Variants in THSD4 observed in about 807,000 individuals in gnomAD.
THSD4 encodes thrombospondin type-1 domain-containing protein 4.
THSD4 carries 69 observed loss-of-function variants against 119.0 expected under a neutral mutation model. The ratio of observed to expected loss-of-function variants is 0.58; its 90% CI spans 0.48 to 0.71. THSD4 has a LOEUF of 0.71. THSD4 is among the 30% of genes least tolerant of loss of function. The pLI, the probability that THSD4 is intolerant of heterozygous loss-of-function variation, is 0.00. For synonymous variants in THSD4, 524 were observed against 540.4 expected (o/e 0.97, Z 0.42); for missense variants, 1,393 against 1,391.1 (o/e 1.00, Z -0.02).
chr15:71,527,055 A>G (rs7163533), intron 7 of THSD4, among the ~76,000 whole-genome samples: 96,495 of 151,828 alleles, frequency 0.64, 31,552 homozygotes, highest in African/African-American at 0.79. Flanking sequence ...GGTCATGAAG[A>G]CTCCTCCCTC....
intron 5 of THSD4, among the ~76,000 whole-genome samples, chr15:71,246,174 G>A (rs192328120): frequency 2.7e-4 from 41 of 152,292 alleles, no homozygotes; most frequent in Admixed American, 1.0e-3. Context: ...GATCCCTACC[G>A]TGTAGGGTTG....
intron 7 of THSD4, among the ~76,000 whole-genome samples, chr15:71,496,512 G>A (rs2048020059): frequency 6.6e-6 from 1 of 152,136 alleles, no homozygotes; most frequent in Non-Finnish European, 1.5e-5. Context: ...GGCCCAAGGT[G>A]GCTGCTGGAG....
At chr15:71,419,632 G>A (rs2046789480) in intron 7 of THSD4, among the ~76,000 whole-genome samples, 2 of 107,902 alleles carry the variant, frequency 1.9e-5, no homozygotes, top group Admixed American at 2.4e-4. Flanking sequence ...ATCCCTCTTA[G>A]TACTGCTTTC....
At chr15:71,663,054 G>A (rs1278324032) in intron 8 of THSD4, among the ~76,000 whole-genome samples, 2 of 152,012 alleles carry the variant, frequency 1.3e-5, no homozygotes, top group Non-Finnish European at 2.9e-5. Flanking sequence ...TTCACGACCA[G>A]CCTGCGCAAC....
intron 3 of THSD4, 26 bp from the exon 4 acceptor site, chr15:71,215,009 C>A: frequency 8.0e-7 from 1 of 1,245,934 alleles, no homozygotes; most frequent in South Asian, 3.7e-5. Context: ...GTGTTCTGGT[C>A]CCCTAACCTG....
At chr15:71,619,692 A>G (rs917217189) in intron 7 of THSD4, among the ~76,000 whole-genome samples, 1 of 152,162 alleles carries the variant, frequency 6.6e-6, no homozygotes, top group Non-Finnish European at 1.5e-5. Context: ...ATTATATTCA[A>G]ACATGTAACT....
At chr15:71,400,986 T>C (rs529447725) in intron 6 of THSD4, among the ~76,000 whole-genome samples, 2 of 152,130 alleles carry the variant, frequency 1.3e-5, no homozygotes, top group Non-Finnish European at 2.9e-5. Context: ...AATCTCCTCT[T>C]TTCGTACCTG....
chr15:71,507,974 A>C (rs2048216487), intron 7 of THSD4, among the ~76,000 whole-genome samples: 1 of 152,222 alleles, frequency 6.6e-6, no homozygotes, highest in South Asian at 2.1e-4. Flanking sequence ...TCACTACCAA[A>C]AAATAAAATA....
At chr15:71,220,680 T>C (rs1008223914) in intron 4 of THSD4, among the ~76,000 whole-genome samples, 9 of 152,130 alleles carry the variant, frequency 5.9e-5, no homozygotes, top group African/African-American at 2.2e-4. Flanking sequence ...GATAGTGTGT[T>C]AGAGAGAGTA....
At chr15:71,274,558 A>G (rs2044569066) in intron 6 of THSD4, among the ~76,000 whole-genome samples, 1 of 152,148 alleles carries the variant, frequency 6.6e-6, no homozygotes. Flanking sequence ...TTGCTGGTCT[A>G]GTTCTTCTCC....
intron 7 of THSD4, among the ~76,000 whole-genome samples, chr15:71,565,765 C>G (rs926818369): frequency 6.6e-6 from 1 of 152,084 alleles, no homozygotes; most frequent in Non-Finnish European, 1.5e-5. Flanking sequence ...ACCTCTGAAA[C>G]CACAGGACAT....
At chr15:71,112,047 G>A (rs2040308975), upstream of THSD4, 2 of 1,555,418 alleles carry the variant, frequency 1.3e-6, no homozygotes, top group African/African-American at 1.4e-5. Flanking sequence ...CCTGTAATCT[G>A]TTCACACGTT....
intron 3 of THSD4, among the ~76,000 whole-genome samples, chr15:71,199,687 T>TG (rs1567154772): frequency 6.3e-5 from 9 of 142,828 alleles, no homozygotes; most frequent in East Asian, 2.1e-4. Context: ...TGTGTGTGTG[T>TG]GTGGTGTGTG....
chr15:71,460,204 A>G (rs745349600), intron 7 of THSD4, among the ~76,000 whole-genome samples: 11 of 152,234 alleles, frequency 7.2e-5, no homozygotes, highest in Middle Eastern at 6.8e-3. Context: ...AGCTAGGTCA[A>G]TGTTCTGAGC....
intron 8 of THSD4, among the ~76,000 whole-genome samples, chr15:71,705,229 C>A (rs1278317721): frequency 6.6e-6 from 1 of 152,200 alleles, no homozygotes; most frequent in Admixed American, 6.5e-5. Context: ...GCAGGTGTCC[C>A]TCAAACTGAG....
chr15:71,197,056 C>G (rs1007609546), intron 3 of THSD4, among the ~76,000 whole-genome samples: 3 of 152,198 alleles, frequency 2.0e-5, no homozygotes, highest in Admixed American at 6.5e-5. Context: ...ACAAGTCTCT[C>G]TGCTCTTGAA....
chr15:71,561,778 A>G (rs200014216), intron 7 of THSD4, among the ~76,000 whole-genome samples: 7 of 152,154 alleles, frequency 4.6e-5, no homozygotes, highest in African/African-American at 1.4e-4. Flanking sequence ...ACAAGTGTCC[A>G]TACCCTCCCA....
At chr15:71,676,393 T>G (rs189453095) in intron 8 of THSD4, among the ~76,000 whole-genome samples, 107 of 152,276 alleles carry the variant, frequency 7.0e-4, no homozygotes, top group African/African-American at 2.5e-3. Context: ...GCGATTCTCC[T>G]GCCTCAGCCT....
At chr15:71,450,625 G>T (rs1224565379) in intron 7 of THSD4, among the ~76,000 whole-genome samples, 1 of 152,214 alleles carries the variant, frequency 6.6e-6, no homozygotes, top group Non-Finnish European at 1.5e-5. Context: ...CTGTGGAGGT[G>T]TAACTTTGCT....
Sources: allele counts gnomAD v4.1 joint callset (sites outside exome capture counted in the v4.1 genomes callset), GRCh38; gene constraint gnomAD v4.1.1; transcripts MANE v1.5; gene names NCBI Gene and HGNC (gene_info 2026-07-23, HGNC 2026-07-21).